ADGRD1: variants seen among roughly 807,000 people sequenced by gnomAD.
The protein encoded by ADGRD1 is adhesion G protein-coupled receptor D1.
Under a neutral mutation model 113.4 loss-of-function variants are expected in ADGRD1, and 77 were observed. That is an observed-to-expected ratio of 0.68 (90% CI 0.57 to 0.82). The LOEUF (loss-of-function observed/expected upper bound fraction) is 0.82, where lower values mean the gene tolerates loss of function less well. Ranked by LOEUF, ADGRD1 falls within the 40% of genes least tolerant of loss-of-function variation. ADGRD1 has a pLI of 0.00. For missense variants in ADGRD1, 1,036 were observed against 1,139.1 expected, an observed-to-expected ratio of 0.91 and a Z score of 1.30; for synonymous variants, 474 against 475.0, an observed-to-expected ratio of 1.00 and a Z score of 0.03.
Position 131,050,756 on chromosome 12 carries a change from G to A in ADGRD1, c.1474-26045G>A, listed in dbSNP as rs1259466426. 2.0e-5 allele frequency among the ~76,000 whole-genome samples: 3 copies of A among 152,166 alleles called. No homozygotes were observed. In the East Asian group the frequency reaches 5.8e-4, roughly 29 times the overall value. ...AAGACAATTTTTGCACGGATGGGGT[G>A]GGGGATGGATTCGGGATGAAACTGT... On this transcript the variant is annotated intron_variant, in intron 13 of 24. Coordinates refer to ENST00000261654, the MANE Select transcript of ADGRD1 (RefSeq NM_198827.5). This position sits in a 1 kb window ranked among gnomAD's most constrained non-coding sequence, Gnocchi z 4.8.
intron 13 of ADGRD1, among the ~76,000 whole-genome samples, chr12:131,039,066 G>C (rs1881841393): frequency 6.6e-6 from 1 of 152,232 alleles, no homozygotes; most frequent in African/African-American, 2.4e-5. Flanking sequence ...GGAAACTGCT[G>C]AGTCTAGTCC....
At chr12:130,970,231 A>G (rs1180683134) in intron 3 of ADGRD1, 1 of 152,206 alleles carries the variant, frequency 6.6e-6, no homozygotes, top group African/African-American at 2.4e-5. Flanking sequence ...TGACCCTGTC[A>G]ATCTTACCCT....
At chr12:131,014,133 T>G in intron 12 of ADGRD1, 66 bp from the exon 13 acceptor site, 4 of 1,504,892 alleles carry the variant, frequency 2.7e-6, no homozygotes, top group Non-Finnish European at 3.6e-6. Context: ...GCTCCCAGCC[T>G]AGGTTCTAGC....
rs541194047 is a variant in ADGRD1, at chr12:130,981,802, T to C, written c.311-82T>C. ...GACAAAATGCTTTTCGAATGAAAAA[T>C]AAAAAGCAAAGAGAACCATGTGCTT... On this transcript the variant is annotated intron_variant, in intron 4 of 24. Coordinates refer to ENST00000261654, the MANE Select transcript of ADGRD1 (RefSeq NM_198827.5). The C allele has an allele frequency of 4.8e-5, 45 of 932,532 alleles. 1 individual carries two copies. In the South Asian group the frequency reaches 7.5e-4, roughly 16 times the overall value. The allele number at this position is 932,532 out of a possible 1,614,324, so 57.8% of individuals were successfully genotyped here.
intron 13 of ADGRD1, chr12:131,030,726 G>T (rs530910307): frequency 1.3e-5 from 2 of 152,286 alleles, no homozygotes; most frequent in African/African-American, 4.8e-5. Context: ...CATCTGTAGC[G>T]TGGATGCCAT....
At chr12:131,044,656 C>T (rs112299771) in intron 13 of ADGRD1, among the ~76,000 whole-genome samples, 2,423 of 152,312 alleles carry the variant, frequency 0.016, 59 homozygotes, top group African/African-American at 0.055. Context: ...AACCCCGCTG[C>T]CCTCCCTCCC....
rs189137717 is a variant in ADGRD1 at position 131,041,494 on chromosome 12, C to G, written c.1473+27154C>G. ...TAACTAGTGACCTTGGCAGGGAGACCGAGACCGAGACCACTTTGTGACCTC... is the reference window on the plus strand; with the variant it reads ...TAACTAGTGACCTTGGCAGGGAGACGGAGACCGAGACCACTTTGTGACCTC... On this transcript the variant is annotated intron_variant, in intron 13 of 24. Coordinates refer to ENST00000261654, the MANE Select transcript of ADGRD1 (RefSeq NM_198827.5). This position sits in a 1 kb window ranked among gnomAD's most constrained non-coding sequence, Gnocchi z 4.4. 8.5e-5 allele frequency among the ~76,000 whole-genome samples: 13 copies of G among 152,236 alleles called. No homozygotes were observed. The highest frequency in any genetic ancestry group is 8.5e-4 in the Admixed American group (13 of 15,304).
intron 13 of ADGRD1, chr12:131,024,227 C>T (rs542691075): frequency 2.1e-4 from 32 of 152,426 alleles, no homozygotes; most frequent in South Asian, 1.5e-3. Context: ...CCCCGCTGGC[C>T]GGGTCACTGG....
At chr12:131,121,064 G>A in intron 20 of ADGRD1, 151 bp downstream of exon 20, 1 of 680,012 alleles carries the variant, frequency 1.5e-6, no homozygotes, top group Non-Finnish European at 2.5e-6. Context: ...GCTCCTCTGG[G>A]CCAGTGACTG....
chr12:131,096,240 T>C lies in ADGRD1; in HGVS notation c.1672-8591T>C, dbSNP rs1362801439. ...TGAAGCATAAAGACTGCACCCTTTATTTTTATTTACAATTTATTTGTGTTA... is the reference window on the plus strand; with the variant it reads ...TGAAGCATAAAGACTGCACCCTTTACTTTTATTTACAATTTATTTGTGTTA... On this transcript the variant is annotated intron_variant, in intron 15 of 24. Coordinates refer to ENST00000261654, the MANE Select transcript of ADGRD1 (RefSeq NM_198827.5). The surrounding 1 kb of genome is among the most constrained non-coding windows in gnomAD (Gnocchi z 5.2). Among the ~76,000 whole-genome samples the C allele has an allele frequency of 6.6e-6, 1 of 152,216 alleles. No individual in the cohort carries two copies. The highest frequency in any genetic ancestry group is 1.5e-5 in the Non-Finnish European group (1 of 68,036).
chr12:131,001,401 A>G (rs1175054730), intron 9 of ADGRD1, among the ~76,000 whole-genome samples: 3 of 152,260 alleles, frequency 2.0e-5, no homozygotes, highest in African/African-American at 7.2e-5. Flanking sequence ...AACTGAGATT[A>G]TTAACATTCT....
rs915555903 is a variant in ADGRD1 at position 131,113,313 on chromosome 12, C to T, written c.2041+4436C>T. On this transcript the variant is annotated intron_variant, in intron 18 of 24. Coordinates refer to ENST00000261654, the MANE Select transcript of ADGRD1 (RefSeq NM_198827.5). The surrounding 1 kb of genome is among the most constrained non-coding windows in gnomAD (Gnocchi z 4.9). ...TGTCTCTGGGGAGGGGTCTGCTGAG[C>T]GACTTGTGCTGTCATTCTAGAAGTC... Among the ~76,000 whole-genome samples, 6 of 151,720 alleles carry T rather than the reference C, an allele frequency of 4.0e-5. No homozygotes were observed. Among genetic ancestry groups the T allele is most frequent in the African/African-American group, 7.3e-5 (3 of 41,304 alleles).
At chr12:130,968,097 A>G (rs1275124431) in intron 3 of ADGRD1, 2 of 152,220 alleles carry the variant, frequency 1.3e-5, no homozygotes, top group Admixed American at 6.5e-5. Flanking sequence ...TTTTTCAAAC[A>G]AAAGCTTGAA....
intron 13 of ADGRD1, among the ~76,000 whole-genome samples, chr12:131,052,936 C>A (rs893416417): frequency 2.6e-5 from 4 of 152,184 alleles, no homozygotes; most frequent in Non-Finnish European, 4.4e-5. Context: ...ACACTGTCTG[C>A]CAGGTGCATT....
chr12:131,123,272 T>C (rs4609641), intron 20 of ADGRD1, among the ~76,000 whole-genome samples: 65,344 of 150,444 alleles, frequency 0.43, 15,156 homozygotes, highest in Non-Finnish European at 0.53. Context: ...CTCTAACTCC[T>C]GACCTCAGGT....
chr12:131,117,745 T>G (rs1158990348), intron 18 of ADGRD1, among the ~76,000 whole-genome samples: 1 of 152,202 alleles, frequency 6.6e-6, no homozygotes, highest in Non-Finnish European at 1.5e-5. Context: ...CCTAAGGAAA[T>G]TATGGGCTCA....
intron 13 of ADGRD1, among the ~76,000 whole-genome samples, chr12:131,039,314 C>T (rs191145574): frequency 2.0e-5 from 3 of 152,384 alleles, no homozygotes; most frequent in Admixed American, 2.0e-4. Flanking sequence ...CCCCCAGTCC[C>T]ACCAGGACCC....
At chr12:131,010,246 G>A (rs566090278) in intron 12 of ADGRD1, among the ~76,000 whole-genome samples, 2 of 152,296 alleles carry the variant, frequency 1.3e-5, no homozygotes, top group African/African-American at 4.8e-5. Flanking sequence ...TCCCAGGGTG[G>A]CGTTGAATTC....
At chr12:131,091,638 A>G (rs1231452064) in intron 15 of ADGRD1, among the ~76,000 whole-genome samples, 1 of 152,184 alleles carries the variant, frequency 6.6e-6, no homozygotes, top group Non-Finnish European at 1.5e-5. Context: ...AATATGCAAC[A>G]TTTGTATCTT....
Sources: allele counts gnomAD v4.1 joint callset (sites outside exome capture counted in the v4.1 genomes callset), GRCh38; gene constraint gnomAD v4.1.1; non-coding constraint Gnocchi (gnomAD v3.1); transcripts MANE v1.5; gene names NCBI Gene and HGNC (gene_info 2026-07-23, HGNC 2026-07-21).